DNASE1: variants seen among roughly 807,000 people sequenced by gnomAD.
The protein encoded by DNASE1 is deoxyribonuclease-1.
Under a neutral mutation model 33.9 loss-of-function variants are expected in DNASE1, and 40 were observed. The observed-to-expected ratio is 1.18, with a 90% CI of 0.92 to 1.54. The LOEUF is 1.54. Ranked by LOEUF, DNASE1 falls within the 40% of genes most tolerant of loss-of-function variation. The probability of loss-of-function intolerance (pLI) is 0.00; values close to 1 mark genes in which losing one functional copy is unlikely to be tolerated. For missense variants in DNASE1, 518 were observed against 372.6 expected (o/e 1.39, Z -3.21); for synonymous variants, 216 against 160.0 (o/e 1.35, Z -2.64).
intron 1 of DNASE1, among the ~76,000 whole-genome samples, chr16:3,634,362 G>A (rs929576065): frequency 6.6e-6 from 1 of 151,998 alleles, no homozygotes; most frequent in African/African-American, 2.4e-5. Flanking sequence ...CTGAGTAGCT[G>A]GGACTACAGG....
intron 1 of DNASE1, among the ~76,000 whole-genome samples, chr16:3,645,018 C>T (rs2042132094): frequency 6.6e-6 from 1 of 151,940 alleles, no homozygotes; most frequent in African/African-American, 2.4e-5. Flanking sequence ...TGGTCGGTCC[C>T]AGCTTCTTGG....
downstream of DNASE1, chr16:3,658,953 A>G (rs1439791685): frequency 6.6e-6 from 9 of 1,356,184 alleles, no homozygotes; most frequent in Admixed American, 1.6e-4. Flanking sequence ...GGATATTTAA[A>G]GAAGCACAGT....
intron 1 of DNASE1, among the ~76,000 whole-genome samples, chr16:3,623,984 T>C (rs1384193388): frequency 6.6e-6 from 1 of 151,964 alleles, no homozygotes. Flanking sequence ...ATAACCTCTA[T>C]ATAGAAAACA....
At position 3,628,869 on chromosome 16, in the gene DNASE1, T is replaced by C. The variant is rs1467092745; in HGVS notation, c.-1358-11846T>C. Among the ~76,000 whole-genome samples, 153 of 148,584 alleles carry C rather than the reference T, an allele frequency of 1.0e-3. 4 individuals carry two copies. The highest frequency in any genetic ancestry group is 6.0e-5 in the Non-Finnish European group (4 of 67,070). ...CCACCGTGCCTGGCTCTGTTTTTTT[T>C]TTTTTCTTTAAAAACTTTTAGGCTG... On this transcript the variant is annotated intron_variant and NMD_transcript_variant, in intron 1 of 11. Transcript: ENST00000570769.
At chr16:3,617,588 C>G (rs548977699) in intron 1 of DNASE1, among the ~76,000 whole-genome samples, 1 of 152,108 alleles carries the variant, frequency 6.6e-6, no homozygotes, top group African/African-American at 2.4e-5. Context: ...TGTCTCCCCC[C>G]ACCCAATTCA....
intron 1 of DNASE1, among the ~76,000 whole-genome samples, chr16:3,632,880 C>A (rs911675186): frequency 6.6e-6 from 1 of 152,152 alleles, no homozygotes; most frequent in African/African-American, 2.4e-5. Context: ...GCAACTGTGC[C>A]CAGCCTCATC....
intron 1 of DNASE1, among the ~76,000 whole-genome samples, chr16:3,632,231 T>C (rs2041721160): frequency 6.6e-6 from 1 of 152,236 alleles, no homozygotes; most frequent in South Asian, 2.1e-4. Flanking sequence ...TTCTGTCTGG[T>C]TGCTTGATGG....
downstream of DNASE1, chr16:3,662,664 T>C: frequency 2.9e-6 from 2 of 689,448 alleles, no homozygotes; most frequent in Non-Finnish European, 2.7e-6. Flanking sequence ...TCACACCTGC[T>C]CTGGAGCAGG....
chr16:3,628,817 C>G (rs2041606275), intron 1 of DNASE1, among the ~76,000 whole-genome samples: 2 of 149,328 alleles, frequency 1.3e-5, no homozygotes, highest in Admixed American at 1.3e-4. Context: ...CCTCAGCTTC[C>G]CAAAGTGCTG....
chr16:3,642,750 T>A (rs1223346307), upstream of DNASE1: 10 of 152,440 alleles, frequency 6.6e-5, no homozygotes, highest in Admixed American at 6.5e-4. Context: ...CTTGTGTCCC[T>A]GGGGGACTGT....
downstream of DNASE1, chr16:3,661,133 C>A (rs907649466): frequency 1.3e-5 from 2 of 151,910 alleles, no homozygotes; most frequent in Non-Finnish European, 2.9e-5. Context: ...TAAAATACCC[C>A]ATAAGACACA....
At chr16:3,635,513 T>C (rs919919683) in intron 1 of DNASE1, among the ~76,000 whole-genome samples, 1 of 151,662 alleles carries the variant, frequency 6.6e-6, no homozygotes, top group Non-Finnish European at 1.5e-5. Flanking sequence ...CCTTCACTTA[T>C]TTATTCTCTA....
upstream of DNASE1, chr16:3,651,606 C>G (rs2042338583): frequency 6.6e-6 from 1 of 152,320 alleles, no homozygotes. Flanking sequence ...GCGACAGCAG[C>G]CAGCTCCGCC....
intron 1 of DNASE1, among the ~76,000 whole-genome samples, chr16:3,628,170 G>T (rs111527114): frequency 2.9e-4 from 44 of 152,120 alleles, no homozygotes; most frequent in African/African-American, 1.0e-3. Flanking sequence ...TTGGTTAAAA[G>T]TCCTAGGTAT....
downstream of DNASE1, chr16:3,662,052 C>A (rs1256506513): frequency 2.5e-6 from 4 of 1,613,496 alleles, 1 homozygote; most frequent in Admixed American, 6.7e-5. Context: ...TGGCCAGCTG[C>A]TGCATGCGCA....
intron 1 of DNASE1, among the ~76,000 whole-genome samples, chr16:3,635,310 T>C (rs1344678081): frequency 6.6e-6 from 1 of 151,584 alleles, no homozygotes; most frequent in South Asian, 2.1e-4. Context: ...ATAAAAAAAT[T>C]AGCTGTGCGT....
At chr16:3,664,163 G>T (rs761798323) in exon 10 of DNASE1, 36 of 1,219,878 alleles carry the variant, frequency 3.0e-5, no homozygotes, top group Non-Finnish European at 4.0e-5. Context: ...CTGACCCACT[G>T]TGCAGCCCTG....
chr16:3,645,699 T>G (rs145915627), intron 1 of DNASE1, among the ~76,000 whole-genome samples: 67 of 152,348 alleles, frequency 4.4e-4, no homozygotes, highest in African/African-American at 1.4e-3. Context: ...GGCGGTCTGC[T>G]GCCTGCTGCC....
chr16:3,619,121 A>G (rs1468466632), intron 1 of DNASE1, among the ~76,000 whole-genome samples: 1 of 151,852 alleles, frequency 6.6e-6, no homozygotes, highest in Non-Finnish European at 1.5e-5. Flanking sequence ...TGCAACCTCC[A>G]CATCCCAGGC....
Sources: allele counts gnomAD v4.1 joint callset (sites outside exome capture counted in the v4.1 genomes callset), GRCh38; gene constraint gnomAD v4.1.1; transcripts MANE v1.5; gene names NCBI Gene and HGNC (gene_info 2026-07-23, HGNC 2026-07-21).